MEI1: variants seen among roughly 807,000 people sequenced by gnomAD.
The protein encoded by MEI1 is meiotic double-stranded break formation protein 1.
In MEI1, 103 loss-of-function variants were observed where a neutral mutation model predicts 146.2. That is an observed-to-expected ratio of 0.70 (90% CI 0.60 to 0.83). The LOEUF is 0.83. MEI1 is among the 40% of genes least tolerant of loss of function. MEI1 has a pLI of 0.00. For synonymous variants in MEI1, 652 were observed against 628.2 expected (o/e 1.04, Z -0.57); for missense variants, 1,529 against 1,533.0 (o/e 1.00, Z 0.04).
chr22:41,781,633 G>A, intron 23 of MEI1, 52 bp from the exon 24 acceptor site: 1 of 1,591,234 alleles, frequency 6.3e-7, no homozygotes, highest in South Asian at 1.1e-5. Context: ...GTGGCACTTA[G>A]CTGAAGCTCC....
intron 26 of MEI1, among the ~76,000 whole-genome samples, chr22:41,788,354 C>T (rs2076063587): frequency 6.6e-6 from 1 of 151,914 alleles, no homozygotes; most frequent in African/African-American, 2.4e-5. Flanking sequence ...GGAGAGGTAG[C>T]ATTTGAACTG....
chr22:41,793,905 A>G lies in MEI1; in HGVS notation c.3422A>G (p.Asp1141Gly), dbSNP rs753434356. The change falls in exon 27 of 31, where the codon GAC becomes GGC. Residue 1141 changes from aspartate to glycine, a missense_variant. Coordinates refer to ENST00000401548, the MANE Select transcript of MEI1 (RefSeq NM_152513.4). ...GACTACCTGGATGCCCGGAGCCCAGACATTGGTAGAAACTCTCCACATTAT... is the reference window on the plus strand; with the variant it reads ...GACTACCTGGATGCCCGGAGCCCAGGCATTGGTAGAAACTCTCCACATTAT... ...LLDYLDARSPDIALHVASQPW... is the reference protein window; with the variant it reads ...LLDYLDARSPGIALHVASQPW... The G allele has an allele frequency of 8.1e-6, 13 of 1,611,508 alleles. No homozygotes were observed. Among genetic ancestry groups the G allele is most frequent in the Non-Finnish European group, 1.1e-5 (13 of 1,178,884 alleles).
chr22:41,770,082 C>T (rs1474363972), intron 19 of MEI1, among the ~76,000 whole-genome samples: 4 of 151,586 alleles, frequency 2.6e-5, no homozygotes, highest in South Asian at 2.1e-4. Context: ...TGCGGTGAGC[C>T]GAGATCATGC....
rs536317526 is a variant in MEI1, at chr22:41,778,545, A to G, written c.2711-163A>G. 7 of 591,888 alleles carry G rather than the reference A, an allele frequency of 1.2e-5. No individual in the cohort carries two copies. The Admixed American group carries it at 2.1e-4, about 18-fold the overall frequency. 36.7% of individuals were successfully genotyped at this position (591,888 alleles called of 1,614,324 possible). Reference sequence around the variant, plus strand: ...TAGTATATCAGTTACGCCTGTTCTAAATGAAGAAAGAAATAGGAGTAAATC... The same window carrying G: ...TAGTATATCAGTTACGCCTGTTCTAGATGAAGAAAGAAATAGGAGTAAATC... On this transcript the variant is annotated intron_variant, in intron 21 of 30. Transcript: ENST00000401548.
At chr22:41,708,206 GGA>G (rs1399793691) in intron 3 of MEI1, among the ~76,000 whole-genome samples, 1 of 152,116 alleles carries the variant, frequency 6.6e-6, no homozygotes, top group Non-Finnish European at 1.5e-5. Flanking sequence ...AAGGAAAAAA[GGA>G]GAGAGAAGAA....
Position 41,770,972 on chromosome 22 carries a change from A to G in MEI1, c.2544+11A>G, listed in dbSNP as rs1260559559. Reference sequence around the variant, plus strand: ...CTGCTCATCTTGCTGGTAGGCAACCACTCATTCATTTCTACATTCAGAAAT... The same window carrying G: ...CTGCTCATCTTGCTGGTAGGCAACCGCTCATTCATTTCTACATTCAGAAAT... On this transcript the variant is annotated intron_variant, in intron 20 of 30. Transcript: ENST00000401548. The G allele has an allele frequency of 6.2e-7, 1 of 1,610,314 alleles. No individual in the cohort carries two copies. The highest frequency in any genetic ancestry group is 8.5e-7 in the Non-Finnish European group (1 of 1,177,790).
At chr22:41,759,955 C>G (rs2074366655) in intron 18 of MEI1, among the ~76,000 whole-genome samples, 1 of 151,992 alleles carries the variant, frequency 6.6e-6, no homozygotes, top group Non-Finnish European at 1.5e-5. Flanking sequence ...GGGTGGATCA[C>G]CTGAGGTCAG....
At chr22:41,699,817 CG>C (rs965259521) in intron 1 of MEI1, 105 bp downstream of exon 1, 1 of 1,341,638 alleles carries the variant, frequency 7.5e-7, no homozygotes, top group African/African-American at 1.5e-5. Context: ...GACGCGAAAC[CG>C]GGCCCCCGCG....
chr22:41,756,324 A>T (rs1394700193), intron 17 of MEI1, among the ~76,000 whole-genome samples: 5 of 151,952 alleles, frequency 3.3e-5, no homozygotes, highest in Non-Finnish European at 7.4e-5. Flanking sequence ...TTTAGTAGAG[A>T]TGGGGTTTTG....
intron 11 of MEI1, among the ~76,000 whole-genome samples, chr22:41,741,057 C>T (rs1194828474): frequency 1.3e-5 from 2 of 152,266 alleles, no homozygotes; most frequent in East Asian, 1.9e-4. Context: ...ATTACAGGCA[C>T]GCGCCACCAT....
chr22:41,745,203 G>T, intron 13 of MEI1, 139 bp downstream of exon 13: 1 of 574,672 alleles, frequency 1.7e-6, no homozygotes, highest in Non-Finnish European at 2.9e-6. Flanking sequence ...GCTGGGGTAG[G>T]GGTTGGGGGT....
At position 41,713,994 on chromosome 22, in the gene MEI1, C is replaced by T; in HGVS notation, c.350-8C>T. The T allele has an allele frequency of 6.3e-7, 1 of 1,577,582 alleles. No homozygotes were observed. Among genetic ancestry groups the T allele is most frequent in the Non-Finnish European group, 8.6e-7 (1 of 1,161,206 alleles). ...CTCCTGGTTAGTAATACTGTTGTGT[C>T]TGTTCAGTCCTTATTCAGATCACAA... On this transcript the variant is annotated splice_polypyrimidine_tract_variant and splice_region_variant and intron_variant, in intron 3 of 30. Coordinates refer to ENST00000401548, the MANE Select transcript of MEI1 (RefSeq NM_152513.4).
At chr22:41,793,142 A>G (rs553097852) in intron 26 of MEI1, among the ~76,000 whole-genome samples, 1 of 141,944 alleles carries the variant, frequency 7.0e-6, no homozygotes, top group South Asian at 2.2e-4. Context: ...GGTTCAAGCA[A>G]TTATCTGCCT....
chr22:41,721,012 C>A (rs1214779595), intron 6 of MEI1, among the ~76,000 whole-genome samples: 1 of 150,274 alleles, frequency 6.7e-6, no homozygotes, highest in African/African-American at 2.5e-5. Flanking sequence ...ATCTCCTGAC[C>A]TCGTGATCCA....
At chr22:41,731,051 CTTTTTTT>C (rs71651970) in intron 9 of MEI1, among the ~76,000 whole-genome samples, 2 of 117,152 alleles carry the variant, frequency 1.7e-5, no homozygotes, top group Admixed American at 8.9e-5. Context: ...TTGTCTGGGA[CTTTTTTT>C]TTTTTTTTTT....
At chr22:41,733,057 A>G (rs2072006114) in intron 11 of MEI1, among the ~76,000 whole-genome samples, 1 of 151,912 alleles carries the variant, frequency 6.6e-6, no homozygotes, top group Non-Finnish European at 1.5e-5. Context: ...CTGGGATTAC[A>G]GGCGTGAGCC....
At position 41,699,532 on chromosome 22, in the gene MEI1, C is replaced by A. The variant is rs758864729; in HGVS notation, c.-7C>A. 1.2e-6 allele frequency: 2 copies of A among 1,604,660 alleles called. No homozygotes were observed. The highest frequency in any genetic ancestry group is 1.7e-5 in the Admixed American group (1 of 59,548). On this transcript the variant is annotated 5_prime_UTR_variant, in exon 1 of 31. Transcript: ENST00000401548. ...GAGTGCCGCCTCAGCTGAGGGCAAG[C>A]GAGGAGATGGCTGTGAGGCAGGCGG...
At chr22:41,794,334 G>T (rs763773091) in intron 27 of MEI1, 37 bp from the exon 28 acceptor site, 5 of 1,549,740 alleles carry the variant, frequency 3.2e-6, no homozygotes, top group Non-Finnish European at 4.5e-6. Context: ...CCCAAGGCAA[G>T]GTCTTGGAAG....
rs1044142335 is a variant in MEI1 at position 41,757,595 on chromosome 22, G to GAT, written c.1952-766_1952-765dup. On this transcript the variant is annotated intron_variant, in intron 17 of 30. Coordinates refer to ENST00000401548, the MANE Select transcript of MEI1 (RefSeq NM_152513.4). ...TGGTCTTGAACTCCTGACCTCAGGTGATATACCCTCCTCAGCCTCCCAAAG... is the reference window on the plus strand; with the variant it reads ...TGGTCTTGAACTCCTGACCTCAGGTGATATATACCCTCCTCAGCCTCCCAAAG... Among the ~76,000 whole-genome samples the GAT allele has an allele frequency of 1.5e-4, 23 of 152,074 alleles. No individual in the cohort carries two copies. The East Asian group carries it at 1.5e-3, about 10-fold the overall frequency.
Sources: allele counts gnomAD v4.1 joint callset (sites outside exome capture counted in the v4.1 genomes callset), GRCh38; gene constraint gnomAD v4.1.1; transcripts MANE v1.5; gene names NCBI Gene and HGNC (gene_info 2026-07-23, HGNC 2026-07-21).